The following UBR3 variants were observed in gnomAD, a reference collection of about 807,000 sequenced individuals.
The protein encoded by UBR3 is E3 ubiquitin-protein ligase UBR3.
Under a neutral mutation model 243.2 loss-of-function variants are expected in UBR3, and 85 were observed. That is an observed-to-expected ratio of 0.35 (90% CI 0.29 to 0.42). The LOEUF (loss-of-function observed/expected upper bound fraction) is 0.42. UBR3 is among the 10% of genes least tolerant of loss of function. The pLI, the probability that UBR3 is intolerant of heterozygous loss-of-function variation, is 1.00. For missense variants in UBR3, 1,686 were observed against 2,300.8 expected, an observed-to-expected ratio of 0.73 and a Z score of 5.47; for synonymous variants, 748 against 799.8, an observed-to-expected ratio of 0.94 and a Z score of 1.09.
intron 19 of UBR3, among the ~76,000 whole-genome samples, chr2:169,933,788 T>A (rs969683129): frequency 1.3e-5 from 2 of 152,148 alleles, no homozygotes; most frequent in African/African-American, 4.8e-5. Flanking sequence ...AATAGAAATA[T>A]CTATCACAGA....
At chr2:170,038,846 T>A (rs888118837) in intron 31 of UBR3, among the ~76,000 whole-genome samples, 1 of 150,102 alleles carries the variant, frequency 6.7e-6, no homozygotes, top group African/African-American at 2.5e-5. Context: ...GAAACAGCAA[T>A]TACTTTGGCA....
rs1331345840 is a variant in UBR3, at chr2:169,877,580, A to G, written c.931A>G (p.Lys311Glu). The change falls in exon 4 of 39, where the codon AAG becomes GAG. Residue 311 changes from lysine to glutamate, a missense_variant. By Grantham distance (56) the Lys-to-Glu change is moderately conservative (BLOSUM62 1). Around this residue, in one of 8 missense-constraint regions of UBR3, gnomAD observed 200 missense variants for 231.6 expected, o/e 0.86. Transcript: ENST00000272793. ...KSSGLTYPED[K>E]LVYGVQEPSA... ...CTCTGGACTTACATATCCTGAGGAT[A>G]AGCTTGTATATGGTGTGCAGGAGCC... is the stretch of plus-strand genomic sequence containing the variant. The G allele has an allele frequency of 1.9e-6, 3 of 1,549,748 alleles. No individual in the cohort carries two copies. The East Asian group carries it at 7.3e-5, about 38-fold the overall frequency.
intron 1 of UBR3, among the ~76,000 whole-genome samples, chr2:169,855,479 T>C (rs1182715570): frequency 6.6e-6 from 1 of 152,154 alleles, no homozygotes; most frequent in Non-Finnish European, 1.5e-5. Context: ...CTGGTTTTCC[T>C]AGGCAGAGGG....
intron 36 of UBR3, 53 bp from the exon 37 acceptor site, chr2:170,079,761 T>C: frequency 6.9e-7 from 1 of 1,457,424 alleles, no homozygotes; most frequent in Non-Finnish European, 9.3e-7. Context: ...AAATATATTG[T>C]GTTAGTGACT....
chr2:169,849,317 A>C (rs1277587958), intron 1 of UBR3, among the ~76,000 whole-genome samples: 2 of 152,382 alleles, frequency 1.3e-5, no homozygotes, highest in East Asian at 3.9e-4. Flanking sequence ...ATAGATTGAA[A>C]TAGAGATTTC....
intron 31 of UBR3, among the ~76,000 whole-genome samples, chr2:170,038,354 TACC>T (rs144291934): frequency 0.02 from 3,112 of 152,340 alleles, 46 homozygotes; most frequent in Non-Finnish European, 0.03. Flanking sequence ...TAAAATTATG[TACC>T]ACTCGTTTAT....
chr2:170,048,949 T>A (rs2091154386), intron 32 of UBR3, among the ~76,000 whole-genome samples: 1 of 152,196 alleles, frequency 6.6e-6, no homozygotes, highest in South Asian at 2.1e-4. Context: ...TTATAATTGT[T>A]CTATATTATT....
At chr2:169,877,348 G>A in intron 3 of UBR3, 146 bp from the exon 4 acceptor site, 1 of 648,038 alleles carries the variant, frequency 1.5e-6, no homozygotes, top group Non-Finnish European at 2.4e-6. Flanking sequence ...GCACAAAAGT[G>A]TTATTTGAAG....
At position 169,953,331 on chromosome 2, in the gene UBR3, A is replaced by G. The variant is rs1574275263; in HGVS notation, c.3545+3266A>G. Among the ~76,000 whole-genome samples, 3 of 152,322 alleles carry G rather than the reference A, an allele frequency of 2.0e-5. No homozygotes were observed. The East Asian group carries it at 5.8e-4, about 29-fold the overall frequency. On this transcript the variant is annotated intron_variant, in intron 23 of 38. Coordinates refer to ENST00000272793, the MANE Select transcript of UBR3 (RefSeq NM_172070.4). ...CTCTGGTTTCGTTTTGGATTTTCAT[A>G]ATAAAGGCAGAACAGTTCATAAACA...
chr2:169,913,990 A>T, intron 10 of UBR3, 70 bp from the exon 11 acceptor site: 1 of 673,904 alleles, frequency 1.5e-6, no homozygotes. Flanking sequence ...GCATATAATT[A>T]CATATAATTT....
intron 27 of UBR3, among the ~76,000 whole-genome samples, chr2:170,005,234 A>G (rs73019503): frequency 0.043 from 6,518 of 152,304 alleles, 153 homozygotes; most frequent in Middle Eastern, 0.061. Context: ...AAACAAAACA[A>G]AACAAAAAAA....
At chr2:169,890,553 A>ATATATGTGTGTGTG (rs2084309050) in intron 5 of UBR3, among the ~76,000 whole-genome samples, 3 of 96,416 alleles carry the variant, frequency 3.1e-5, no homozygotes, top group African/African-American at 1.6e-4. Flanking sequence ...ATATATATAT[A>ATATATGTGTGTGTG]TATATATATA....
intron 1 of UBR3, among the ~76,000 whole-genome samples, chr2:169,851,351 C>T (rs963134705): frequency 6.6e-6 from 1 of 152,162 alleles, no homozygotes; most frequent in African/African-American, 2.4e-5. Context: ...TCTCAAACTT[C>T]TGAGCTCAAT....
chr2:169,882,346 A>G (rs1234551811), intron 5 of UBR3, among the ~76,000 whole-genome samples: 2 of 25,664 alleles, frequency 7.8e-5, no homozygotes. Context: ...TATAATATAT[A>G]TGTAAATATA....
At chr2:169,920,168 G>T (rs2105343080) in intron 11 of UBR3, among the ~76,000 whole-genome samples, 1 of 152,258 alleles carries the variant, frequency 6.6e-6, no homozygotes, top group South Asian at 2.1e-4. Context: ...CCTTTGTAGG[G>T]ACATGGATGA....
At position 170,048,694 on chromosome 2, in the gene UBR3, C is replaced by T. The variant is rs191540685; in HGVS notation, c.4661-6766C>T. On this transcript the variant is annotated intron_variant, in intron 32 of 38. Transcript: ENST00000272793. ...TAAGTTGACACTGGCAATTTGGATA[C>T]GCCAAAGAGAAACTAAAGTTTTTTC... Among the ~76,000 whole-genome samples, 32 of 152,154 alleles carry T rather than the reference C, an allele frequency of 2.1e-4. 1 individual carries two copies. In the East Asian group the frequency reaches 5.0e-3, roughly 24 times the overall value.
chr2:170,050,685 C>T (rs1233431526), intron 32 of UBR3, among the ~76,000 whole-genome samples: 1 of 152,046 alleles, frequency 6.6e-6, no homozygotes, highest in Non-Finnish European at 1.5e-5. Flanking sequence ...ATTTGAAGGA[C>T]TTTGTTTTCT....
Position 170,081,703 on chromosome 2 carries a change from CTTTT to C in UBR3, c.5550-17_5550-14del. ...AAATCTTCCGTGTATGATATTAATA[CTTTT>C]TTTTTCTTTTTGTTCTAGGCGAGGC... On this transcript the variant is annotated intron_variant, in intron 38 of 38. Coordinates refer to ENST00000272793, the MANE Select transcript of UBR3 (RefSeq NM_172070.4). The C allele has an allele frequency of 6.7e-7, 1 of 1,498,570 alleles. No individual in the cohort carries two copies. Among genetic ancestry groups the C allele is most frequent in the Non-Finnish European group, 9.1e-7 (1 of 1,099,736 alleles). 92.8% of individuals were successfully genotyped at this position (1,498,570 alleles called of 1,614,324 possible). A position where few individuals can be genotyped will look rare whatever the true frequency, so the allele number is the denominator to read the frequency against.
At chr2:170,051,785 ATGTC>A (rs1373232808) in intron 32 of UBR3, among the ~76,000 whole-genome samples, 3 of 152,154 alleles carry the variant, frequency 2.0e-5, no homozygotes, top group Non-Finnish European at 4.4e-5. Flanking sequence ...AAATTCTGTA[ATGTC>A]TGTCACTTAT....
Sources: gnomAD v4.1 joint callset for allele counts (sites outside exome capture counted in the v4.1 genomes callset) on GRCh38, gnomAD v4.1.1 for gene constraint, gnomAD v4.1.1 regional missense constraint, MANE v1.5 for transcripts, NCBI Gene and HGNC (gene_info 2026-07-23, HGNC 2026-07-21) for gene names.